Variants in DCUN1D4 observed in about 807,000 individuals in gnomAD.
The protein encoded by DCUN1D4 is DCN1-like protein 4.
In DCUN1D4, 22 loss-of-function variants were observed where a neutral mutation model predicts 47.9. That is an observed-to-expected ratio of 0.46 (90% confidence interval 0.33 to 0.66). The LOEUF (loss-of-function observed/expected upper bound fraction) is 0.66. Ranked by LOEUF, DCUN1D4 falls within the 30% of genes least tolerant of loss-of-function variation. The probability of loss-of-function intolerance (pLI) is 0.02; values close to 1 mark genes in which losing one functional copy is unlikely to be tolerated. For synonymous variants in DCUN1D4, 121 were observed against 112.2 expected, an observed-to-expected ratio of 1.08 and a Z score of -0.50; for missense variants, 301 against 340.8, an observed-to-expected ratio of 0.88 and a Z score of 0.92.
Position 51,887,152 on chromosome 4 carries a change from G to C in DCUN1D4, c.414+514G>C, listed in dbSNP as rs914707693. 6 of 450,666 alleles carry C rather than the reference G, an allele frequency of 1.3e-5. 1 individual carries two copies. Among genetic ancestry groups the C allele is most frequent in the Non-Finnish European group, 2.7e-5 (6 of 224,834 alleles). The allele number at this position is 450,666 out of a possible 1,614,324, so 27.9% of individuals were successfully genotyped here. A position where few individuals can be genotyped will look rare whatever the true frequency, so the allele number is the denominator to read the frequency against. ...AGTCTCGCACTGTCGCCAGGCTGGA[G>C]TGCAATGGTATGATGTCGGCTCACT... On this transcript the variant is annotated intron_variant, in intron 6 of 10. Transcript: ENST00000334635.
At chr4:51,837,316 G>A in the DCUN1D4 span, among the ~76,000 whole-genome samples, 1 of 152,214 alleles carries the variant, frequency 6.6e-6, no homozygotes, top group African/African-American at 2.4e-5. Context: ...TTCTATGGCT[G>A]TACTGGAATA....
chr4:51,856,712 T>C (rs895481119), intron 1 of DCUN1D4, among the ~76,000 whole-genome samples: 1 of 152,234 alleles, frequency 6.6e-6, no homozygotes, highest in Non-Finnish European at 1.5e-5. Flanking sequence ...CAAAAGAACA[T>C]GAACCATTGA....
intron 1 of DCUN1D4, among the ~76,000 whole-genome samples, chr4:51,852,224 G>T (rs1195427094): frequency 6.6e-6 from 1 of 152,098 alleles, no homozygotes; most frequent in African/African-American, 2.4e-5. Flanking sequence ...CTGATTTTAA[G>T]TGGGAAACTG....
chr4:51,840,805 C>T (rs943665045), upstream of DCUN1D4, among the ~76,000 whole-genome samples: 1 of 152,136 alleles, frequency 6.6e-6, no homozygotes, highest in African/African-American at 2.4e-5. Context: ...TTTTATTATA[C>T]TTTGTAAAAC....
At chr4:51,843,752 A>G (rs1577798848) in intron 1 of DCUN1D4, 1 of 578,222 alleles carries the variant, frequency 1.7e-6, no homozygotes, top group African/African-American at 3.3e-5. Flanking sequence ...GGTGAGTGCG[A>G]GGGGGGCGCG....
chr4:51,837,775 T>C, the DCUN1D4 span, among the ~76,000 whole-genome samples: 1 of 150,262 alleles, frequency 6.7e-6, no homozygotes, highest in East Asian at 2.0e-4. Flanking sequence ...TAAACGAAAT[T>C]AAAACTGAAA....
intron 8 of DCUN1D4, among the ~76,000 whole-genome samples, chr4:51,900,756 A>C (rs575431751): frequency 6.6e-6 from 1 of 152,006 alleles, no homozygotes; most frequent in South Asian, 2.1e-4. Flanking sequence ...AGGATTATAT[A>C]GTTTATTTCA....
chr4:51,860,648 G>A (rs1394348407), intron 1 of DCUN1D4: 1 of 455,140 alleles, frequency 2.2e-6, no homozygotes, highest in Non-Finnish European at 4.4e-6. Flanking sequence ...GAAAGCAGGA[G>A]CGAGAGAGAG....
chr4:51,873,513 C>T (rs2109973087), intron 3 of DCUN1D4, among the ~76,000 whole-genome samples: 1 of 152,336 alleles, frequency 6.6e-6, no homozygotes, highest in South Asian at 2.1e-4. Context: ...GTTTTCTTAT[C>T]TGCATAAGGC....
chr4:51,872,510 T>G (rs905090700), intron 3 of DCUN1D4, among the ~76,000 whole-genome samples: 1 of 152,196 alleles, frequency 6.6e-6, no homozygotes, highest in Non-Finnish European at 1.5e-5. Flanking sequence ...CTTACCTGAG[T>G]TGACCTCCGT....
chr4:51,844,414 G>T (rs987503988), intron 1 of DCUN1D4: 151 of 984,280 alleles, frequency 1.5e-4, no homozygotes, highest in Non-Finnish European at 1.8e-4. Flanking sequence ...GCGCTGGCGC[G>T]GGCTCCGGCA....
intron 3 of DCUN1D4, among the ~76,000 whole-genome samples, chr4:51,864,393 C>G (rs1012478770): frequency 7.9e-5 from 12 of 152,134 alleles, no homozygotes; most frequent in Admixed American, 7.9e-4. Context: ...TACTAAAATC[C>G]TAGCAAAAAT....
chr4:51,843,173 T>A lies in DCUN1D4; in HGVS notation c.-70T>A. The A allele has an allele frequency of 1.3e-6, 2 of 1,529,788 alleles. No individual in the cohort carries two copies. The highest frequency in any genetic ancestry group is 5.1e-5 in the East Asian group (2 of 39,300). 94.8% of individuals were successfully genotyped at this position (1,529,788 alleles called of 1,614,324 possible). On this transcript the variant is annotated 5_prime_UTR_variant, in exon 1 of 11. Transcript: ENST00000334635. Reference sequence around the variant, plus strand: ...TCCTCAGCTTCGAGCCGAGGTGCAGTGAGCTGGTGGGGGGACCGCGAGGCG... The same window carrying A: ...TCCTCAGCTTCGAGCCGAGGTGCAGAGAGCTGGTGGGGGGACCGCGAGGCG...
At chr4:51,872,806 T>C (rs61794805) in intron 3 of DCUN1D4, among the ~76,000 whole-genome samples, 39,607 of 152,100 alleles carry the variant, frequency 0.26, 5,591 homozygotes, top group East Asian at 0.61. Flanking sequence ...CCCTGTTTGT[T>C]AAAATATGAT....
At chr4:51,896,709 C>T (rs1425024070) in intron 7 of DCUN1D4, among the ~76,000 whole-genome samples, 1 of 152,034 alleles carries the variant, frequency 6.6e-6, no homozygotes, top group Admixed American at 6.6e-5. Context: ...TCCCTGTGAC[C>T]CCCTCATTGG....
upstream of DCUN1D4, among the ~76,000 whole-genome samples, chr4:51,839,222 A>G (rs139512774): frequency 9.9e-3 from 1,477 of 149,308 alleles, 34 homozygotes; most frequent in African/African-American, 0.035. Flanking sequence ...AGGGAAGGAA[A>G]GAAAGAAAGA....
At chr4:51,879,118 C>T (rs1396876443) in intron 5 of DCUN1D4, among the ~76,000 whole-genome samples, 3 of 152,168 alleles carry the variant, frequency 2.0e-5, no homozygotes, top group African/African-American at 4.8e-5. Context: ...TGAGCTACCC[C>T]AACATCTTTC....
upstream of DCUN1D4, among the ~76,000 whole-genome samples, chr4:51,838,540 C>T (rs1165104983): frequency 1.3e-5 from 2 of 152,062 alleles, no homozygotes; most frequent in Non-Finnish European, 2.9e-5. Context: ...TGCCACCACA[C>T]CCAGATAATT....
intron 7 of DCUN1D4, 144 bp from the exon 8 acceptor site, chr4:51,899,126 T>A: frequency 1.5e-6 from 2 of 1,346,228 alleles, no homozygotes; most frequent in East Asian, 2.9e-5. Context: ...AAATTTTTTT[T>A]AAGTGTAGAA....
Sources: allele counts gnomAD v4.1 joint callset (sites outside exome capture counted in the v4.1 genomes callset), GRCh38; gene constraint gnomAD v4.1.1; transcripts MANE v1.5; gene names NCBI Gene and HGNC (gene_info 2026-07-23, HGNC 2026-07-21).